The following FTCDNL1 variants were observed in gnomAD, a reference collection of about 807,000 sequenced individuals.
The protein encoded by FTCDNL1 is formiminotransferase N-terminal subdomain-containing protein.
Under a neutral mutation model 5.9 loss-of-function variants are expected in FTCDNL1, and 11 were observed. The ratio of observed to expected loss-of-function variants is 1.87; its 90% confidence interval spans 1.18 to 3.10. The LOEUF (loss-of-function observed/expected upper bound fraction) is 3.10. Among genes scored for constraint, FTCDNL1 ranks in the 30% most tolerant of loss-of-function variants. FTCDNL1 has a pLI of 0.00. For missense variants in FTCDNL1, 115 were observed against 65.5 expected (o/e 1.76, Z -2.61); for synonymous variants, 58 against 24.8 (o/e 2.34, Z -3.99).
At chr2:199,819,358 G>A (rs1701542606) in intron 4 of FTCDNL1, 4 of 565,898 alleles carry the variant, frequency 7.1e-6, no homozygotes, top group Admixed American at 6.1e-5. Flanking sequence ...TCACTTCTGG[G>A]GGCCCTCATC....
At chr2:199,752,758 G>A in the FTCDNL1 span, among the ~76,000 whole-genome samples, 1 of 147,776 alleles carries the variant, frequency 6.8e-6, no homozygotes, top group Admixed American at 6.8e-5. Flanking sequence ...GTGTGTGTGT[G>A]TGTGTGTGTG....
At chr2:199,780,918 G>C in intron 3 of FTCDNL1, among the ~76,000 whole-genome samples, 1 of 152,160 alleles carries the variant, frequency 6.6e-6, no homozygotes. Flanking sequence ...TCATGGAAGT[G>C]CTCTTCCTCT....
chr2:199,802,434 TAAA>T (rs765241147), intron 3 of FTCDNL1, among the ~76,000 whole-genome samples: 52 of 152,160 alleles, frequency 3.4e-4, no homozygotes, highest in Admixed American at 7.2e-4. Context: ...GTCCATAAAC[TAAA>T]ATTGCATAAA....
chr2:199,736,102 A>G, the FTCDNL1 span, among the ~76,000 whole-genome samples: 7 of 152,088 alleles, frequency 4.6e-5, no homozygotes, highest in Non-Finnish European at 1.0e-4. Context: ...CAGCCCACCA[A>G]CTCCAGCATT....
chr2:199,758,462 A>G (rs879298380), downstream of FTCDNL1, among the ~76,000 whole-genome samples: 92 of 152,086 alleles, frequency 6.0e-4, no homozygotes, highest in Non-Finnish European at 8.1e-4. Context: ...AAAAAAAAAA[A>G]AAAAAGAACT....
intron 3 of FTCDNL1, chr2:199,844,324 G>A (rs2076672311): frequency 2.2e-6 from 1 of 458,506 alleles, no homozygotes; most frequent in African/African-American, 2.0e-5. Context: ...AGCTATTTCA[G>A]TTTGTAAAAA....
intron 1 of FTCDNL1, among the ~76,000 whole-genome samples, 179 bp from the exon 2 acceptor site, chr2:199,849,148 T>C (rs927390521): frequency 2.6e-5 from 4 of 152,178 alleles, no homozygotes; most frequent in African/African-American, 7.2e-5. Context: ...TAAGAAACCA[T>C]GTGTACATGG....
the FTCDNL1 span, among the ~76,000 whole-genome samples, chr2:199,703,161 C>T: frequency 6.0e-4 from 91 of 152,072 alleles, no homozygotes; most frequent in African/African-American, 2.1e-3. Context: ...CCCATTAACT[C>T]ATCATTTAGC....
chr2:199,721,567 A>G, the FTCDNL1 span, among the ~76,000 whole-genome samples: 1 of 152,208 alleles, frequency 6.6e-6, no homozygotes, highest in Non-Finnish European at 1.5e-5. Flanking sequence ...GCGATTGTGA[A>G]TAGTACTACA....
At chr2:199,664,056 G>T in the FTCDNL1 span, among the ~76,000 whole-genome samples, 1 of 149,102 alleles carries the variant, frequency 6.7e-6, no homozygotes, top group Non-Finnish European at 1.5e-5. Flanking sequence ...AAAAAAAAAA[G>T]TACTATAATT....
intron 3 of FTCDNL1, among the ~76,000 whole-genome samples, chr2:199,785,951 T>A (rs965977732): frequency 6.6e-6 from 1 of 152,094 alleles, no homozygotes. Flanking sequence ...TTAGTTAGAT[T>A]CTCATAGGAG....
the FTCDNL1 span, among the ~76,000 whole-genome samples, chr2:199,678,699 A>G: frequency 6.6e-6 from 1 of 152,062 alleles, no homozygotes; most frequent in Non-Finnish European, 1.5e-5. Flanking sequence ...ATATACAAGA[A>G]CACATTTACA....
At chr2:199,842,761 C>T (rs991438365) in intron 3 of FTCDNL1, among the ~76,000 whole-genome samples, 1 of 152,084 alleles carries the variant, frequency 6.6e-6, no homozygotes, top group Non-Finnish European at 1.5e-5. Context: ...TCTTTTATGT[C>T]ACTGGGATGC....
At chr2:199,760,687 T>A in exon 4 of FTCDNL1, 1 of 635,280 alleles carries the variant, frequency 1.6e-6, no homozygotes, top group Non-Finnish European at 2.9e-6. Flanking sequence ...TAATTTTCCA[T>A]CTTTTTAAAA....
the FTCDNL1 span, among the ~76,000 whole-genome samples, chr2:199,744,985 G>A: frequency 3.1e-4 from 47 of 152,324 alleles, no homozygotes; most frequent in African/African-American, 1.1e-3. Flanking sequence ...TCAGCTGGCA[G>A]CCCTCCCAGA....
the FTCDNL1 span, among the ~76,000 whole-genome samples, chr2:199,728,160 T>C: frequency 6.6e-6 from 1 of 152,230 alleles, no homozygotes; most frequent in African/African-American, 2.4e-5. Flanking sequence ...CCCCATGCTC[T>C]ACTATAAATC....
the FTCDNL1 span, among the ~76,000 whole-genome samples, chr2:199,720,892 AC>A: frequency 2.0e-5 from 3 of 152,088 alleles, no homozygotes; most frequent in Non-Finnish European, 4.4e-5. Flanking sequence ...GCTTTGTACT[AC>A]ACGGTATAAC....
At chr2:199,750,009 A>G in the FTCDNL1 span, among the ~76,000 whole-genome samples, 14 of 151,108 alleles carry the variant, frequency 9.3e-5, no homozygotes, top group African/African-American at 3.4e-4. Flanking sequence ...TGACCGACAT[A>G]CACACCTAGT....
At chr2:199,705,242 A>G in the FTCDNL1 span, among the ~76,000 whole-genome samples, 1 of 152,210 alleles carries the variant, frequency 6.6e-6, no homozygotes, top group Non-Finnish European at 1.5e-5. Flanking sequence ...CTGGACAACT[A>G]AAAGAACATA....
Sources: gnomAD v4.1 joint callset for allele counts (sites outside exome capture counted in the v4.1 genomes callset) on GRCh38, gnomAD v4.1.1 for gene constraint, MANE v1.5 for transcripts, NCBI Gene and HGNC (gene_info 2026-07-23, HGNC 2026-07-21) for gene names.